The following PPP2R2D variants were observed in gnomAD, a reference collection of about 807,000 sequenced individuals.
PPP2R2D encodes the protein serine/threonine-protein phosphatase 2A 55 kDa regulatory subunit B delta isoform.
PPP2R2D carries 9 observed loss-of-function variants against 31.1 expected under a neutral mutation model. The observed-to-expected ratio is 0.29, with a 90% CI of 0.17 to 0.51. PPP2R2D has a LOEUF of 0.51. Among genes scored for constraint, PPP2R2D ranks in the 20% least tolerant of loss-of-function variants. The pLI is 0.98. For missense variants in PPP2R2D, 391 were observed against 465.6 expected (o/e 0.84, Z 1.48); for synonymous variants, 179 against 172.6 (o/e 1.04, Z -0.29).
chr10:131,949,530 C>T (rs1314619256), intron 8 of PPP2R2D, among the ~76,000 whole-genome samples: 5 of 152,106 alleles, frequency 3.3e-5, no homozygotes, highest in Admixed American at 6.5e-5. Context: ...GAAAAGCCAC[C>T]GTGAGCAAGT....
At chr10:131,933,709 T>A (rs561471144) in intron 2 of PPP2R2D, among the ~76,000 whole-genome samples, 4 of 152,178 alleles carry the variant, frequency 2.6e-5, no homozygotes, top group East Asian at 1.9e-4. Flanking sequence ...TTTTTTTTTT[T>A]AATTTAATAG....
Position 131,901,256 on chromosome 10 carries a change from GCCC to G in PPP2R2D, c.28_30del (p.Pro10del). 2.8e-6 allele frequency: 1 copy of G among 357,598 alleles called. No homozygotes were observed. The highest frequency in any genetic ancestry group is 4.7e-5 in the Admixed American group (1 of 21,222). The allele number at this position is 357,598 out of a possible 1,614,324, so 22.2% of individuals were successfully genotyped here. A position where few individuals can be genotyped will look rare whatever the true frequency, so the allele number is the denominator to read the frequency against. On this transcript the variant is annotated inframe_deletion, in exon 2 of 9. Coordinates refer to ENST00000455566, the MANE Select transcript of PPP2R2D (RefSeq NM_018461.5). ...TTTGCAGGAGCCGGAGGCGGCGGCT[GCCC>G]CGCGGGCGGCAACGACTTCCAGTGG...
At chr10:131,931,473 G>A (rs987428063) in intron 2 of PPP2R2D, among the ~76,000 whole-genome samples, 7 of 152,132 alleles carry the variant, frequency 4.6e-5, no homozygotes, top group Non-Finnish European at 1.0e-4. Context: ...TCAGCCTCCC[G>A]AGTAGCTGTG....
downstream of PPP2R2D, among the ~76,000 whole-genome samples, chr10:131,962,055 T>C (rs2036927732): frequency 6.6e-6 from 1 of 152,226 alleles, no homozygotes; most frequent in Admixed American, 6.5e-5. Context: ...CCCGGGACTC[T>C]GCTTCTGAGG....
intron 3 of PPP2R2D, among the ~76,000 whole-genome samples, chr10:131,937,407 C>T (rs1440472881): frequency 6.6e-6 from 1 of 152,198 alleles, no homozygotes; most frequent in Non-Finnish European, 1.5e-5. Context: ...ATCAGCACGT[C>T]CAAAAAGAGA....
chr10:131,947,683 C>T lies in PPP2R2D; in HGVS notation c.974C>T (p.Pro325Leu), dbSNP rs1554898180. 2 of 1,614,170 alleles carry T rather than the reference C, an allele frequency of 1.2e-6. No homozygotes were observed. The highest frequency in any genetic ancestry group is 1.7e-6 in the Non-Finnish European group (2 of 1,180,046). Residue 325 changes from proline to leucine, a missense_variant, in exon 8 of 9, where the codon CCG becomes CTG. Pro to Leu is a moderately conservative substitution (Grantham distance 98). Transcript: ENST00000455566. The surrounding 1 kb of genome is among the most constrained non-coding windows in gnomAD (Gnocchi z 4.3). Reference protein sequence around the residue: ...KVWDLNMESRPVETHQVHEYL... With the variant: ...KVWDLNMESRLVETHQVHEYL... Reference sequence around the variant, plus strand: ...TGGGACCTCAACATGGAGAGCAGGCCGGTGGAGACCCACCAGGTCCACGAG... The same window carrying T: ...TGGGACCTCAACATGGAGAGCAGGCTGGTGGAGACCCACCAGGTCCACGAG...
chr10:131,913,184 A>ATTTTTT (rs36188479), intron 2 of PPP2R2D, among the ~76,000 whole-genome samples: 3 of 134,832 alleles, frequency 2.2e-5, no homozygotes, highest in Non-Finnish European at 3.1e-5. Context: ...TGCCCGGCTA[A>ATTTTTT]TTTTTTTTTT....
At chr10:131,963,351 G>A (rs761332402), downstream of PPP2R2D, among the ~76,000 whole-genome samples, 13 of 84,814 alleles carry the variant, frequency 1.5e-4, no homozygotes, top group Non-Finnish European at 2.7e-4. Flanking sequence ...TACGTACAGC[G>A]TTCACAAGTC....
intron 2 of PPP2R2D, among the ~76,000 whole-genome samples, chr10:131,928,814 A>G (rs2036153989): frequency 6.6e-6 from 1 of 152,248 alleles, no homozygotes; most frequent in South Asian, 2.1e-4. Flanking sequence ...CCATGCAGCC[A>G]GCAGGCCTCC....
chr10:131,941,773 C>T (rs782001145), intron 5 of PPP2R2D, among the ~76,000 whole-genome samples: 18 of 152,136 alleles, frequency 1.2e-4, no homozygotes, highest in South Asian at 2.1e-4. Flanking sequence ...CCAGCTTTGC[C>T]GTGTGGGGTG....
intron 2 of PPP2R2D, among the ~76,000 whole-genome samples, chr10:131,921,377 G>A (rs1033923288): frequency 6.6e-6 from 1 of 152,200 alleles, no homozygotes; most frequent in African/African-American, 2.4e-5. Context: ...TAAGGCTTCG[G>A]CAGTTAAGAG....
rs1189473680 is a variant in PPP2R2D, at chr10:131,933,831, T to C, written c.101-627T>C. ...TTCCTTCTGCCCCGGGGTCTTGGCC[T>C]CTGTTGAGCTGGTGTCTGGGGTCTT... On this transcript the variant is annotated intron_variant, in intron 2 of 8. Transcript: ENST00000455566. Among the ~76,000 whole-genome samples the C allele has an allele frequency of 2.0e-5, 3 of 152,092 alleles. No homozygotes were observed. In the East Asian group the frequency reaches 5.8e-4, roughly 29 times the overall value.
intron 2 of PPP2R2D, among the ~76,000 whole-genome samples, chr10:131,923,045 T>C (rs2036024556): frequency 6.6e-6 from 1 of 152,186 alleles, no homozygotes; most frequent in Admixed American, 6.5e-5. Flanking sequence ...TCATCCTTTG[T>C]GAAGTGTGCG....
At chr10:131,942,162 A>G (rs1333862865) in intron 5 of PPP2R2D, among the ~76,000 whole-genome samples, 4 of 151,952 alleles carry the variant, frequency 2.6e-5, no homozygotes, top group African/African-American at 4.8e-5. Flanking sequence ...CCACCCAGTT[A>G]CCTGTGCACA....
chr10:131,922,366 A>G (rs991351568), intron 2 of PPP2R2D, among the ~76,000 whole-genome samples: 4 of 152,094 alleles, frequency 2.6e-5, no homozygotes, highest in African/African-American at 9.7e-5. Context: ...GGGCTAATAC[A>G]TTTGTTAATT....
the PPP2R2D span, chr10:131,971,060 G>T: frequency 8.3e-7 from 1 of 1,203,284 alleles, no homozygotes; most frequent in Non-Finnish European, 1.2e-6. Flanking sequence ...AGATCCGCAG[G>T]CTCAATTCAA....
At chr10:131,927,356 G>C (rs546372997) in intron 2 of PPP2R2D, among the ~76,000 whole-genome samples, 1 of 152,194 alleles carries the variant, frequency 6.6e-6, no homozygotes, top group African/African-American at 2.4e-5. Flanking sequence ...GTCAGGGATT[G>C]CAAGTTTCAG....
chr10:131,966,490 T>C, the PPP2R2D span: 3 of 152,200 alleles, frequency 2.0e-5, no homozygotes, highest in African/African-American at 7.2e-5. Context: ...ATGTCTAATG[T>C]TACAATCTAA....
downstream of PPP2R2D, among the ~76,000 whole-genome samples, chr10:131,963,356 C>A (rs1202264279): frequency 4.0e-5 from 1 of 25,262 alleles, no homozygotes; most frequent in Non-Finnish European, 7.0e-5. Flanking sequence ...ACAGCGTTCA[C>A]AAGTCCCCAG....
Sources: allele counts gnomAD v4.1 joint callset (sites outside exome capture counted in the v4.1 genomes callset), GRCh38; gene constraint gnomAD v4.1.1; non-coding constraint Gnocchi (gnomAD v3.1); transcripts MANE v1.5; gene names NCBI Gene and HGNC (gene_info 2026-07-23, HGNC 2026-07-21).